Variants in POLR2F observed in about 807,000 individuals in gnomAD.
POLR2F encodes the protein RNA polymerase II, I and III subunit F.
Under a neutral mutation model 22.7 loss-of-function variants are expected in POLR2F, and 12 were observed. The ratio of observed to expected loss-of-function variants is 0.53; its 90% CI spans 0.34 to 0.86. The LOEUF (loss-of-function observed/expected upper bound fraction) is 0.86, where lower values mean the gene tolerates loss of function less well. POLR2F is among the 40% of genes least tolerant of loss of function. The pLI is 0.02. For synonymous variants in POLR2F, 57 were observed against 66.0 expected, an observed-to-expected ratio of 0.86 and a Z score of 0.66; for missense variants, 126 against 171.5, an observed-to-expected ratio of 0.73 and a Z score of 1.48.
At chr22:38,038,851 C>T (rs1051782816) in intron 5 of POLR2F, among the ~76,000 whole-genome samples, 8 of 151,790 alleles carry the variant, frequency 5.3e-5, no homozygotes, top group Non-Finnish European at 1.0e-4. Context: ...CGCCCTCCCT[C>T]TCCCAGCGCC....
chr22:38,027,114 G>A (rs2085020160), downstream of POLR2F, among the ~76,000 whole-genome samples: 1 of 152,206 alleles, frequency 6.6e-6, no homozygotes, highest in South Asian at 2.1e-4. Context: ...GTGCGAGATG[G>A]CATAGGGTGC....
chr22:38,041,423 G>A, downstream of POLR2F: 2 of 376,972 alleles, frequency 5.3e-6, no homozygotes, highest in South Asian at 9.6e-5. Flanking sequence ...ATGGAGGGGA[G>A]GGCGGAATGA....
intron 4 of POLR2F, among the ~76,000 whole-genome samples, chr22:37,975,595 C>A (rs1016820958): frequency 6.6e-6 from 1 of 152,166 alleles, no homozygotes; most frequent in Non-Finnish European, 1.5e-5. Flanking sequence ...AGACTAGGAG[C>A]TCCCCAAGGA....
At chr22:37,969,635 A>C (rs1216356890), downstream of POLR2F, among the ~76,000 whole-genome samples, 1 of 152,174 alleles carries the variant, frequency 6.6e-6, no homozygotes, top group Non-Finnish European at 1.5e-5. Flanking sequence ...AGTAGTGAAC[A>C]GACCACAAAT....
exon 3 of POLR2F, chr22:38,026,419 T>G: frequency 2.2e-6 from 1 of 451,358 alleles, no homozygotes; most frequent in Non-Finnish European, 4.7e-6. Flanking sequence ...TCTCTGGGTC[T>G]CAGTTTCCCC....
Position 37,996,974 on chromosome 22 carries a change from C to G in POLR2F, c.120+10662C>G, listed in dbSNP as rs539122634. ...TTGAAACTCCCACCCCTAGGGCAGG[C>G]CACCCCACTCCTGTGTCCTACTCGG... On this transcript the variant is annotated intron_variant, in intron 1 of 2. Coordinates refer to the POLR2F transcript ENST00000333418. Among the ~76,000 whole-genome samples the G allele has an allele frequency of 2.2e-4, 33 of 152,250 alleles. No homozygotes were observed. The South Asian group carries it at 3.7e-3, about 17-fold the overall frequency.
chr22:37,999,188 C>T (rs945277528), intron 1 of POLR2F, among the ~76,000 whole-genome samples: 1 of 152,102 alleles, frequency 6.6e-6, no homozygotes, highest in East Asian at 1.9e-4. Context: ...GTGGGAAATG[C>T]CCTGGGGATG....
rs1397622594 is a variant in POLR2F, at chr22:37,978,672, T to C, written c.293+11502T>C. On this transcript the variant is annotated intron_variant, in intron 4 of 4. Transcript: ENST00000405557. The surrounding 1 kb of genome is among the most constrained non-coding windows in gnomAD (Gnocchi z 5.0). Reference sequence around the variant, plus strand: ...CTTCACCTATAAAAGGATGATAACATTGGCTTAACTTGGGTGTGGGATTGG... The same window carrying C: ...CTTCACCTATAAAAGGATGATAACACTGGCTTAACTTGGGTGTGGGATTGG... 6.6e-6 allele frequency among the ~76,000 whole-genome samples: 1 copy of C among 152,190 alleles called. No homozygotes were observed. The highest frequency in any genetic ancestry group is 1.5e-5 in the Non-Finnish European group (1 of 68,030).
intron 1 of POLR2F, among the ~76,000 whole-genome samples, chr22:38,012,649 T>G (rs2084881267): frequency 6.6e-6 from 1 of 152,236 alleles, no homozygotes; most frequent in Non-Finnish European, 1.5e-5. Context: ...TTACGTTTAC[T>G]CACCATATCT....
chr22:38,015,445 T>C (rs752966926), intron 1 of POLR2F, among the ~76,000 whole-genome samples: 2 of 152,174 alleles, frequency 1.3e-5, no homozygotes, highest in African/African-American at 2.4e-5. Context: ...CTCGATGTGA[T>C]CTGGGGGAAG....
intron 2 of POLR2F, among the ~76,000 whole-genome samples, chr22:37,958,024 G>A (rs888715590): frequency 2.0e-5 from 3 of 151,944 alleles, no homozygotes; most frequent in Non-Finnish European, 4.4e-5. Context: ...ATTAAGAAGT[G>A]GTGTCTTGCT....
At chr22:37,962,123 C>T (rs530184463) in intron 3 of POLR2F, among the ~76,000 whole-genome samples, 8 of 152,038 alleles carry the variant, frequency 5.3e-5, no homozygotes, top group African/African-American at 9.6e-5. Flanking sequence ...CCCAGCTACT[C>T]GGGAGGCTGA....
intron 1 of POLR2F, among the ~76,000 whole-genome samples, chr22:38,019,428 T>C (rs2084941728): frequency 6.6e-6 from 1 of 152,176 alleles, no homozygotes; most frequent in Non-Finnish European, 1.5e-5. Flanking sequence ...GAGCAGTCCG[T>C]GGCCTCACAA....
At chr22:38,025,848 C>A in intron 1 of POLR2F, 1 of 1,188,912 alleles carries the variant, frequency 8.4e-7, no homozygotes, top group Non-Finnish European at 1.3e-6. Context: ...ACTCACTTCA[C>A]CAAGTTGACA....
At chr22:38,036,655 T>C (rs1379836939) in intron 5 of POLR2F, among the ~76,000 whole-genome samples, 3 of 151,754 alleles carry the variant, frequency 2.0e-5, no homozygotes, top group African/African-American at 4.8e-5. Context: ...CCAAGAACTG[T>C]GGGTCTCTCA....
Position 38,016,703 on chromosome 22 carries a change from C to G in POLR2F, c.121-9166C>G, listed in dbSNP as rs1199758815. Among the ~76,000 whole-genome samples the G allele has an allele frequency of 3.3e-5, 3 of 91,026 alleles. No homozygotes were observed. Among genetic ancestry groups the G allele is most frequent in the Non-Finnish European group, 6.3e-5 (3 of 47,292 alleles). 59.7% of individuals were successfully genotyped at this position (91,026 alleles called of 152,430 possible). On this transcript the variant is annotated intron_variant, in intron 1 of 2. Coordinates refer to the POLR2F transcript ENST00000333418. This position sits in a 1 kb window ranked among gnomAD's most constrained non-coding sequence, Gnocchi z 4.4. ...CTTTGGCAGCGGTTCCAGCCCTGGGCGGGTGGAAAGAGTGCTGGCACGCAC... is the reference window on the plus strand; with the variant it reads ...CTTTGGCAGCGGTTCCAGCCCTGGGGGGGTGGAAAGAGTGCTGGCACGCAC...
At chr22:37,973,603 C>T (rs144116155), downstream of POLR2F, 42 of 1,613,320 alleles carry the variant, frequency 2.6e-5, no homozygotes, top group South Asian at 7.7e-5. Context: ...GGGGCCGCTG[C>T]GAGGGCCCCA....
At chr22:37,970,763 G>A (rs1209118970), downstream of POLR2F, 2 of 166,404 alleles carry the variant, frequency 1.2e-5, no homozygotes, top group African/African-American at 2.4e-5. Flanking sequence ...CTAAAGGAGA[G>A]CTAAGTTCTA....
intron 3 of POLR2F, among the ~76,000 whole-genome samples, chr22:37,962,300 C>T (rs1256405761): frequency 6.6e-6 from 1 of 152,140 alleles, no homozygotes; most frequent in Non-Finnish European, 1.5e-5. Context: ...TGTGTGCTTA[C>T]AGGGGCAGCA....
Sources: gnomAD v4.1 joint callset for allele counts (sites outside exome capture counted in the v4.1 genomes callset) on GRCh38, gnomAD v4.1.1 for gene constraint, Gnocchi (gnomAD v3.1) non-coding constraint, MANE v1.5 for transcripts, NCBI Gene and HGNC (gene_info 2026-07-23, HGNC 2026-07-21) for gene names.